AKT3: variants seen among roughly 807,000 people sequenced by gnomAD.
AKT3 encodes the protein AKT serine/threonine kinase 3.
In AKT3, 15 loss-of-function variants were observed where a neutral mutation model predicts 65.3. The observed-to-expected ratio is 0.23, with a 90% confidence interval of 0.15 to 0.35. The LOEUF (loss-of-function observed/expected upper bound fraction) is 0.35. AKT3 is among the 10% of genes least tolerant of loss of function. The pLI is 1.00. For synonymous variants in AKT3, 206 were observed against 183.8 expected, an observed-to-expected ratio of 1.12 and a Z score of -0.98; for missense variants, 243 against 576.5, an observed-to-expected ratio of 0.42 and a Z score of 5.92.
rs530573943 is a variant in AKT3, at chr1:243,653,373, A to G, written c.285-7336T>C. Among the ~76,000 whole-genome samples the G allele has an allele frequency of 4.6e-5, 7 of 152,246 alleles. 1 individual carries two copies. The South Asian group carries it at 1.5e-3, about 32-fold the overall frequency. On this transcript the variant is annotated intron_variant, in intron 4 of 13. Transcript: ENST00000673466. ...CAATTAACAGCCTACCAACCACAAA[A>G]AGTCCAGGACCAGATGGATTCACAG... is the stretch of plus-strand genomic sequence containing the variant.
intron 11 of AKT3, among the ~76,000 whole-genome samples, chr1:243,551,886 C>A (rs1376677091): frequency 6.6e-6 from 1 of 152,114 alleles, no homozygotes; most frequent in African/African-American, 2.4e-5. Flanking sequence ...CCATAGAGTT[C>A]TTCAATTCAT....
In AKT3 at chr1:243,733,496, G is replaced by A. The variant is rs552387042; in HGVS notation, c.47-37780C>T. On this transcript the variant is annotated intron_variant, in intron 2 of 13. Coordinates refer to ENST00000673466, the MANE Select transcript of AKT3 (RefSeq NM_005465.7). The stretch of plus-strand genomic sequence containing the variant: ...TACAGCTGTAACTACATTGCACACG[G>A]ACAGAGCACAAAAACAATATTAAGT... Among the ~76,000 whole-genome samples the A allele has an allele frequency of 2.2e-4, 34 of 152,298 alleles. 1 individual carries two copies. In the South Asian group the frequency reaches 6.8e-3, roughly 31 times the overall value.
intron 4 of AKT3, among the ~76,000 whole-genome samples, chr1:243,655,618 T>C (rs1681718796): frequency 6.6e-6 from 1 of 152,218 alleles, no homozygotes. Context: ...CCTAGAAAAC[T>C]AGCAAAGTTG....
rs1352226520 is a variant in AKT3, at chr1:243,609,251, CT to C, written c.696+4419del. Among the ~76,000 whole-genome samples, 4 of 147,972 alleles carry C rather than the reference CT, an allele frequency of 2.7e-5. No homozygotes were observed. The East Asian group carries it at 7.9e-4, about 29-fold the overall frequency. ...ACTATTTTAAAATACATCTGATAAT[CT>C]AAAAAAAAAAAAATTGTGAGGTTAA... On this transcript the variant is annotated intron_variant, in intron 8 of 13. Transcript: ENST00000673466.
intron 2 of AKT3, chr1:243,818,107 T>G (rs1422204126): frequency 1.3e-5 from 2 of 152,198 alleles, no homozygotes; most frequent in East Asian, 3.9e-4. Context: ...ATCACTCCCC[T>G]AACTTTCTAG....
chr1:243,493,440 A>G (rs900090052), intron 13 of AKT3, among the ~76,000 whole-genome samples: 19 of 152,148 alleles, frequency 1.2e-4, no homozygotes, highest in African/African-American at 4.6e-4. Flanking sequence ...GTCCACTTAG[A>G]GGATGGTCTC....
At chr1:243,777,363 A>G (rs1249639842) in intron 2 of AKT3, among the ~76,000 whole-genome samples, 1 of 152,174 alleles carries the variant, frequency 6.6e-6, no homozygotes, top group African/African-American at 2.4e-5. Flanking sequence ...GTGGCCTGGC[A>G]GGGGGCAGTC....
intron 2 of AKT3, among the ~76,000 whole-genome samples, chr1:243,722,473 T>C (rs1019667908): frequency 2.6e-5 from 4 of 152,124 alleles, no homozygotes; most frequent in Non-Finnish European, 5.9e-5. Context: ...CAAAATTTGT[T>C]TTATAAAAGG....
At chr1:243,719,238 TTTC>T (rs1278812148) in intron 2 of AKT3, among the ~76,000 whole-genome samples, 1 of 152,200 alleles carries the variant, frequency 6.6e-6, no homozygotes, top group Non-Finnish European at 1.5e-5. Context: ...CTCAGAGACT[TTTC>T]TTATTTCATA....
At chr1:243,700,498 C>T (rs1186528342) in intron 2 of AKT3, among the ~76,000 whole-genome samples, 2 of 140,118 alleles carry the variant, frequency 1.4e-5, no homozygotes, top group African/African-American at 5.1e-5. Flanking sequence ...GGACCTCAGG[C>T]TTAGTCTATT....
chr1:243,661,772 T>A (rs1160317269), intron 4 of AKT3, among the ~76,000 whole-genome samples: 2,758 of 71,880 alleles, frequency 0.038, no homozygotes, highest in Admixed American at 0.054. Context: ...ACAGGCAACC[T>A]ACAAAATGGG....
At chr1:243,572,581 A>C (rs1482085309) in intron 9 of AKT3, among the ~76,000 whole-genome samples, 1 of 152,246 alleles carries the variant, frequency 6.6e-6, no homozygotes, top group Non-Finnish European at 1.5e-5. Context: ...TGTTCCTTCC[A>C]ATAGTCTTAC....
At chr1:243,543,845 G>A (rs1213340325) in intron 12 of AKT3, among the ~76,000 whole-genome samples, 1 of 152,162 alleles carries the variant, frequency 6.6e-6, no homozygotes, top group Non-Finnish European at 1.5e-5. Flanking sequence ...GAGTAGAGGT[G>A]TCTAATATGA....
intron 11 of AKT3, among the ~76,000 whole-genome samples, chr1:243,545,907 G>T (rs554403923): frequency 1.3e-5 from 2 of 152,312 alleles, no homozygotes; most frequent in East Asian, 3.9e-4. Context: ...TTTCTCATCT[G>T]CAGAGTGGGG....
chr1:243,775,759 A>G (rs1690507602), intron 2 of AKT3, among the ~76,000 whole-genome samples: 1 of 152,236 alleles, frequency 6.6e-6, no homozygotes, highest in Admixed American at 6.5e-5. Flanking sequence ...TTTAAGATCC[A>G]TAATGTTTAA....
chr1:243,562,317 C>T (rs967670051), intron 10 of AKT3, among the ~76,000 whole-genome samples: 14 of 151,978 alleles, frequency 9.2e-5, no homozygotes, highest in East Asian at 1.9e-4. Context: ...TTGCCTGTGG[C>T]GGAAGGAAGA....
intron 10 of AKT3, among the ~76,000 whole-genome samples, chr1:243,553,771 AC>A (rs1673232059): frequency 6.6e-6 from 1 of 152,190 alleles, no homozygotes; most frequent in African/African-American, 2.4e-5. Flanking sequence ...ATGGTAACCT[AC>A]CATTTGCCCC....
intron 6 of AKT3, chr1:243,624,700 C>CTT (rs1399290225): frequency 4.9e-6 from 1 of 202,528 alleles, no homozygotes; most frequent in Non-Finnish European, 1.1e-5. Flanking sequence ...ACATCATCAC[C>CTT]AAAAGTAAGT....
intron 9 of AKT3, among the ~76,000 whole-genome samples, chr1:243,566,470 T>C (rs1674164034): frequency 6.6e-6 from 1 of 152,122 alleles, no homozygotes; most frequent in Non-Finnish European, 1.5e-5. Flanking sequence ...TTAAAAAAAT[T>C]ACAATGATAT....
Sources: allele counts gnomAD v4.1 joint callset (sites outside exome capture counted in the v4.1 genomes callset), GRCh38; gene constraint gnomAD v4.1.1; transcripts MANE v1.5; gene names NCBI Gene and HGNC (gene_info 2026-07-23, HGNC 2026-07-21).